Variants in AR observed in about 807,000 individuals in gnomAD.
AR encodes the protein dihydrotestosterone receptor.
A neutral mutation model predicts 53.9 loss-of-function variants in AR; 8 were observed. That is an observed-to-expected ratio of 0.15 (90% CI 0.09 to 0.27). The LOEUF (loss-of-function observed/expected upper bound fraction) is 0.27. Ranked by LOEUF, AR falls within the 10% of genes least tolerant of loss-of-function variation. The probability of loss-of-function intolerance (pLI) is 1.00; values close to 1 mark genes in which losing one functional copy is unlikely to be tolerated. For synonymous variants in AR, 359 were observed against 316.4 expected, an observed-to-expected ratio of 1.13 and a Z score of -1.43; for missense variants, 639 against 742.5, an observed-to-expected ratio of 0.86 and a Z score of 1.62.
intron 1 of AR, among the ~76,000 whole-genome samples, chrX:67,557,742 G>A (rs1921120370): frequency 9.0e-6 from 1 of 111,329 alleles, no homozygotes; most frequent in Admixed American, 9.5e-5. Context: ...GGACTCATTT[G>A]GGCAAGAGTG....
intron 4 of AR, among the ~76,000 whole-genome samples, chrX:67,715,355 G>A (rs774862476): frequency 1.5e-4 from 17 of 111,433 alleles, no homozygotes; most frequent in African/African-American, 5.2e-4. Context: ...GTCTGTCAGC[G>A]TGTCATTACA....
At position 67,610,814 on chromosome X, in the gene AR, A is replaced by C. The variant is rs916914589; in HGVS notation, c.1617-32442A>C. Among the ~76,000 whole-genome samples, 5 of 111,533 alleles carry C rather than the reference A, an allele frequency of 4.5e-5. No homozygotes were observed. The East Asian group carries it at 1.4e-3, about 32-fold the overall frequency. On this transcript the variant is annotated intron_variant, in intron 1 of 7. Transcript: ENST00000374690. ...GATATTAAGAGTAGTGCTGCAATTA[A>C]CATCCTTGAGAGGCAGTATATATGG...
intron 3 of AR, among the ~76,000 whole-genome samples, chrX:67,690,814 T>C (rs183373358): frequency 2.5e-3 from 283 of 111,209 alleles, no homozygotes; most frequent in African/African-American, 8.6e-3. Context: ...TTAGGTGAGA[T>C]GGAAGGAAAA....
At chrX:67,671,085 A>C (rs2075862391) in intron 2 of AR, among the ~76,000 whole-genome samples, 1 of 112,020 alleles carries the variant, frequency 8.9e-6, no homozygotes, top group African/African-American at 3.2e-5. Context: ...GTCTTTATAG[A>C]AGAATGATTT....
chrX:67,693,077 C>G (rs907145667), intron 3 of AR, among the ~76,000 whole-genome samples: 14 of 112,883 alleles, frequency 1.2e-4, no homozygotes, highest in Non-Finnish European at 3.7e-5. Context: ...ATGTTGTACT[C>G]TGTCTCTGAG....
At chrX:67,579,187 A>C (rs1346377160) in intron 1 of AR, among the ~76,000 whole-genome samples, 1 of 111,922 alleles carries the variant, frequency 8.9e-6, no homozygotes, top group Non-Finnish European at 1.9e-5. Flanking sequence ...CAGGCATAGT[A>C]GCAACGTATT....
At chrX:67,575,713 T>C in intron 1 of AR, among the ~76,000 whole-genome samples, 1 of 111,686 alleles carries the variant, frequency 9.0e-6, no homozygotes, top group Non-Finnish European at 1.9e-5. Flanking sequence ...CATAAAAGAA[T>C]ATCCCATTCT....
intron 1 of AR, among the ~76,000 whole-genome samples, chrX:67,557,721 T>C (rs1921119801): frequency 9.0e-6 from 1 of 111,644 alleles, no homozygotes; most frequent in Admixed American, 9.5e-5. Flanking sequence ...CTTTTTTTAG[T>C]GTGATTCTGA....
intron 1 of AR, among the ~76,000 whole-genome samples, chrX:67,616,687 G>C (rs1482240586): frequency 9.0e-6 from 1 of 111,537 alleles, no homozygotes; most frequent in Non-Finnish European, 1.9e-5. Flanking sequence ...TGCAAGCTGT[G>C]TTAGTTTGCT....
intron 1 of AR, among the ~76,000 whole-genome samples, chrX:67,562,495 T>C (rs905864930): frequency 9.0e-6 from 1 of 111,108 alleles, no homozygotes; most frequent in Admixed American, 9.6e-5. Context: ...CTTTCATTCC[T>C]ACATGGTAAT....
chrX:67,663,329 A>G lies in AR; in HGVS notation c.1768+19922A>G, dbSNP rs1024349407. 7.1e-5 allele frequency among the ~76,000 whole-genome samples: 8 copies of G among 112,021 alleles called. No individual in the cohort carries two copies. The Admixed American group carries it at 7.6e-4, about 11-fold the overall frequency. ...CTGCAGTGCAGGCCTGGTGGTGACAAAATTTCTCAGCATTTGCTTGTCTGT... is the reference window on the plus strand; with the variant it reads ...CTGCAGTGCAGGCCTGGTGGTGACAGAATTTCTCAGCATTTGCTTGTCTGT... On this transcript the variant is annotated intron_variant, in intron 2 of 7. Coordinates refer to ENST00000374690, the MANE Select transcript of AR (RefSeq NM_000044.6).
At position 67,629,422 on chromosome X, in the gene AR, C is replaced by A. The variant is rs1434589102; in HGVS notation, c.1617-13834C>A. On this transcript the variant is annotated intron_variant, in intron 1 of 7. Coordinates refer to ENST00000374690, the MANE Select transcript of AR (RefSeq NM_000044.6). ...TCTTCTAGATTTTCTAGTTTATTTG[C>A]GTAGAGGTGTTTGTAGTATTCTCTG... 5.2e-3 allele frequency among the ~76,000 whole-genome samples: 559 copies of A among 106,902 alleles called. 6 individuals are homozygous for A. The highest frequency in any genetic ancestry group is 0.018 in the African/African-American group (532 of 29,583). 92.8% of individuals were successfully genotyped at this position (106,902 alleles called of 115,157 possible). A position where few individuals can be genotyped will look rare whatever the true frequency, so the allele number is the denominator to read the frequency against.
At chrX:67,569,220 G>T (rs1223629616) in intron 1 of AR, among the ~76,000 whole-genome samples, 4 of 101,151 alleles carry the variant, frequency 4.0e-5, no homozygotes, top group Admixed American at 1.1e-4. Context: ...TGTGGGGGGG[G>T]GTTGGGGGTT....
intron 6 of AR, 64 bp from the exon 7 acceptor site, chrX:67,722,763 G>A (rs1390324279): frequency 1.7e-6 from 2 of 1,177,462 alleles, no homozygotes; most frequent in South Asian, 1.8e-5. Context: ...AAAACTTGGT[G>A]CTTTGTCTAA....
chrX:67,600,382 T>C (rs925889636), intron 1 of AR, among the ~76,000 whole-genome samples: 18 of 111,318 alleles, frequency 1.6e-4, no homozygotes, highest in African/African-American at 5.9e-4. Flanking sequence ...ACCCTGTCAT[T>C]TTTGCAACAA....
At chrX:67,596,388 A>G (rs1923084190) in intron 1 of AR, among the ~76,000 whole-genome samples, 1 of 110,448 alleles carries the variant, frequency 9.1e-6, no homozygotes, top group Non-Finnish European at 1.9e-5. Context: ...CAGATGATGT[A>G]TTTATTTCCT....
At chrX:67,591,583 A>G (rs978420030) in intron 1 of AR, among the ~76,000 whole-genome samples, 1 of 111,781 alleles carries the variant, frequency 8.9e-6, no homozygotes, top group African/African-American at 3.3e-5. Context: ...TGCAACCCCA[A>G]TAAGGCCCAA....
At position 67,544,834 on chromosome X, in the gene AR, A is replaced by G. The variant is rs1460808363; in HGVS notation, c.-313A>G. ...CTACTTCAGTGGACACTGAATTTGG[A>G]AGGTGGAGGATTTTGTTTTTTTCTT... On this transcript the variant is annotated 5_prime_UTR_variant, in exon 1 of 8. Coordinates refer to ENST00000374690, the MANE Select transcript of AR (RefSeq NM_000044.6). 1.2e-5 allele frequency: 3 copies of G among 240,389 alleles called. No individual in the cohort carries two copies. Among genetic ancestry groups the G allele is most frequent in the East Asian group, 1.3e-4 (2 of 15,829 alleles). The allele number at this position is 240,389 out of a possible 1,213,427, so 19.8% of individuals were successfully genotyped here. A position where few individuals can be genotyped will look rare whatever the true frequency, so the allele number is the denominator to read the frequency against.
At chrX:67,568,953 C>A (rs1343106950) in intron 1 of AR, 1 of 1,209,954 alleles carries the variant, frequency 8.3e-7, no homozygotes, top group African/African-American at 1.7e-5. Context: ...GTACAGGGAA[C>A]CAGGGAAACG....
Sources: allele counts gnomAD v4.1 joint callset (sites outside exome capture counted in the v4.1 genomes callset), GRCh38; gene constraint gnomAD v4.1.1; transcripts MANE v1.5; gene names NCBI Gene and HGNC (gene_info 2026-07-23, HGNC 2026-07-21).